The following KLF12 variants were observed in gnomAD, a reference collection of about 807,000 sequenced individuals.
The protein encoded by KLF12 is KLF transcription factor 12.
Under a neutral mutation model 37.8 loss-of-function variants are expected in KLF12, and 9 were observed. That is an observed-to-expected ratio of 0.24 (90% CI 0.14 to 0.42). KLF12 has a LOEUF of 0.42. KLF12 is among the 10% of genes least tolerant of loss of function. The pLI is 1.00. For synonymous variants in KLF12, 208 were observed against 202.1 expected, an observed-to-expected ratio of 1.03 and a Z score of -0.25; for missense variants, 411 against 516.0, an observed-to-expected ratio of 0.80 and a Z score of 1.97.
At chr13:74,082,019 G>T (rs746060835) in intron 1 of KLF12, among the ~76,000 whole-genome samples, 5 of 151,904 alleles carry the variant, frequency 3.3e-5, no homozygotes. Context: ...AAGAACAAAA[G>T]AAATTCACAT....
chr13:74,098,616 T>C (rs1323783830), intron 1 of KLF12, among the ~76,000 whole-genome samples: 1 of 152,236 alleles, frequency 6.6e-6, no homozygotes, highest in Non-Finnish European at 1.5e-5. Context: ...ATATTGAATA[T>C]TGAATGGCTA....
chr13:73,909,595 G>A (rs1593711123), intron 3 of KLF12, among the ~76,000 whole-genome samples: 1 of 152,262 alleles, frequency 6.6e-6, no homozygotes, highest in Admixed American at 6.5e-5. Context: ...AATAAAGTAT[G>A]TTGCCCTCAC....
At chr13:73,854,611 A>G (rs772941974) in intron 3 of KLF12, among the ~76,000 whole-genome samples, 3 of 152,188 alleles carry the variant, frequency 2.0e-5, no homozygotes, top group Non-Finnish European at 4.4e-5. Context: ...CTTTGGTAGT[A>G]TCCATGGGGG....
chr13:73,810,300 G>C (rs959530479), intron 5 of KLF12, among the ~76,000 whole-genome samples: 1 of 151,780 alleles, frequency 6.6e-6, no homozygotes, highest in Non-Finnish European at 1.5e-5. Flanking sequence ...AGTTCCTGAG[G>C]TTTCTATTAA....
intron 1 of KLF12, among the ~76,000 whole-genome samples, chr13:74,003,687 C>T (rs1012912890): frequency 1.3e-5 from 2 of 152,072 alleles, no homozygotes; most frequent in Non-Finnish European, 2.9e-5. Flanking sequence ...AAATATTGCA[C>T]AGTATTTATT....
Position 74,129,952 on chromosome 13 carries a change from G to A in KLF12, c.-32+3787C>T, listed in dbSNP as rs1419025696. ...AGCTGACATCAGATGGGGTGTGGCCGACCTAGGCCCTAAAAATGAATTCTG... is the reference window on the plus strand; with the variant it reads ...AGCTGACATCAGATGGGGTGTGGCCAACCTAGGCCCTAAAAATGAATTCTG... On this transcript the variant is annotated intron_variant, in intron 1 of 7. Coordinates refer to ENST00000377669, the MANE Select transcript of KLF12 (RefSeq NM_007249.5). Among the ~76,000 whole-genome samples, 5 of 152,176 alleles carry A rather than the reference G, an allele frequency of 3.3e-5. No homozygotes were observed. In the South Asian group the frequency reaches 8.3e-4, roughly 25 times the overall value.
intron 3 of KLF12, among the ~76,000 whole-genome samples, chr13:73,909,235 C>T (rs780279106): frequency 1.4e-4 from 21 of 152,298 alleles, no homozygotes; most frequent in Non-Finnish European, 2.2e-4. Flanking sequence ...AACTAGGTTC[C>T]GTTTCCATAC....
At position 73,845,823 on chromosome 13, in the gene KLF12, T is replaced by G; in HGVS notation, c.670+4A>C. 1 of 1,611,302 alleles carries G rather than the reference T, an allele frequency of 6.2e-7. No homozygotes were observed. The highest frequency in any genetic ancestry group is 8.5e-7 in the Non-Finnish European group (1 of 1,178,210). On this transcript the variant is annotated splice_donor_region_variant and intron_variant, in intron 4 of 7. Coordinates refer to ENST00000377669, the MANE Select transcript of KLF12 (RefSeq NM_007249.5). Reference sequence around the variant, plus strand: ...ATAAATCAAGGCTTGTTTATGTCTCTTACCTTTGCCATGGCCTCTCCCATC... The same window carrying G: ...ATAAATCAAGGCTTGTTTATGTCTCGTACCTTTGCCATGGCCTCTCCCATC...
intron 2 of KLF12, among the ~76,000 whole-genome samples, chr13:73,944,707 G>T (rs985796925): frequency 2.0e-5 from 3 of 152,126 alleles, no homozygotes; most frequent in African/African-American, 4.8e-5. Flanking sequence ...TATATGTTTT[G>T]CTCAATTTAC....
chr13:74,083,836 A>T (rs973449366), intron 1 of KLF12, among the ~76,000 whole-genome samples: 5 of 152,226 alleles, frequency 3.3e-5, no homozygotes, highest in African/African-American at 1.2e-4. Context: ...GGGTACAGAA[A>T]TTAAAATGCA....
the KLF12 span, among the ~76,000 whole-genome samples, chr13:74,175,337 A>G: frequency 6.6e-6 from 1 of 152,198 alleles, no homozygotes; most frequent in African/African-American, 2.4e-5. Flanking sequence ...GCCAGAAAGA[A>G]TGACATGTAT....
intron 2 of KLF12, among the ~76,000 whole-genome samples, chr13:73,981,079 G>A (rs1201097348): frequency 1.3e-5 from 2 of 152,164 alleles, no homozygotes; most frequent in Non-Finnish European, 1.5e-5. Context: ...AGGATTGCTT[G>A]AGCCAGGGCA....
chr13:74,258,202 T>C, the KLF12 span: 1 of 137,930 alleles, frequency 7.3e-6, no homozygotes, highest in Non-Finnish European at 1.6e-5. Flanking sequence ...TGTGTGTGTG[T>C]GTAGTAAAAC....
intron 2 of KLF12, among the ~76,000 whole-genome samples, chr13:73,987,572 G>A (rs1278951777): frequency 1.3e-5 from 2 of 150,998 alleles, no homozygotes; most frequent in Non-Finnish European, 2.9e-5. Flanking sequence ...GTGTAAACAG[G>A]GAAGAGAAAA....
intron 5 of KLF12, among the ~76,000 whole-genome samples, chr13:73,806,467 T>C (rs144850746): frequency 1.3e-3 from 204 of 152,052 alleles, no homozygotes; most frequent in African/African-American, 4.5e-3. Context: ...CTGGGCTCAA[T>C]TGATTCTCCT....
At chr13:74,283,475 T>C in the KLF12 span, among the ~76,000 whole-genome samples, 17 of 152,296 alleles carry the variant, frequency 1.1e-4, no homozygotes, top group African/African-American at 4.1e-4. Context: ...GAAAAATCAA[T>C]TCATCTAGAC....
intron 3 of KLF12, among the ~76,000 whole-genome samples, chr13:73,889,915 T>TA (rs984585555): frequency 6.6e-6 from 1 of 151,998 alleles, no homozygotes; most frequent in Admixed American, 6.5e-5. Flanking sequence ...CATTTTTAAA[T>TA]AAAAAAAGAA....
At chr13:73,808,581 T>C (rs1283605409) in intron 5 of KLF12, among the ~76,000 whole-genome samples, 2 of 152,180 alleles carry the variant, frequency 1.3e-5, no homozygotes, top group Admixed American at 1.3e-4. Context: ...AGATGTATCT[T>C]GGTTAACAAT....
intron 1 of KLF12, among the ~76,000 whole-genome samples, chr13:74,028,496 C>T (rs1382406102): frequency 6.6e-6 from 1 of 152,070 alleles, no homozygotes. Context: ...GTATTACTGT[C>T]ATAATTTCAT....
Sources: allele counts gnomAD v4.1 joint callset (sites outside exome capture counted in the v4.1 genomes callset), GRCh38; gene constraint gnomAD v4.1.1; transcripts MANE v1.5; gene names NCBI Gene and HGNC (gene_info 2026-07-23, HGNC 2026-07-21).